Variants in LRRD1 observed in about 807,000 individuals in gnomAD.
The protein encoded by LRRD1 is leucine-rich repeat and death domain-containing protein 1.
In LRRD1, 49 loss-of-function variants were observed where a neutral mutation model predicts 69.5. The ratio of observed to expected loss-of-function variants is 0.70; its 90% confidence interval spans 0.56 to 0.89. LRRD1 has a LOEUF of 0.89. Ranked by LOEUF, LRRD1 falls within the 40% of genes least tolerant of loss-of-function variation. The probability of loss-of-function intolerance (pLI) is 0.00; values close to 1 mark genes in which losing one functional copy is unlikely to be tolerated. For missense variants in LRRD1, 853 were observed against 956.0 expected, an observed-to-expected ratio of 0.89 and a Z score of 1.42; for synonymous variants, 303 against 338.9, an observed-to-expected ratio of 0.89 and a Z score of 1.16.
downstream of LRRD1, chr7:92,142,266 A>G (rs1042596476): frequency 2.8e-6 from 1 of 353,414 alleles, no homozygotes; most frequent in African/African-American, 2.1e-5. Context: ...AACCACTTGT[A>G]TTAGGTCTCT....
chr7:92,144,635 A>AGGAATTATTTTCAAATTCCTC (rs1449535548), downstream of LRRD1, among the ~76,000 whole-genome samples: 1 of 151,540 alleles, frequency 6.6e-6, no homozygotes, highest in East Asian at 1.9e-4. Context: ...TCTCAAAAAA[A>AGGAATTATTTTCAAATTCCTC]AAAAAAAAAA....
In LRRD1 at chr7:92,164,224, T is replaced by C. The variant is rs575186553; in HGVS notation, c.979A>G (p.Asn327Asp). 11 of 1,549,678 alleles carry C rather than the reference T, an allele frequency of 7.1e-6. No individual in the cohort carries two copies. The Admixed American group carries it at 2.2e-4, about 31-fold the overall frequency. ...SLPKEIRELKNLETLLMDHNK... is the reference protein window; with the variant it reads ...SLPKEIRELKDLETLLMDHNK... ...TGATCCATTAAAAGTGTTTCTAAAT[T>C]TTTAAGCTCTCTAATTTCTTTTGGC... The change falls in exon 2 of 6, where the codon AAT becomes GAT. Residue 327 changes from asparagine (N) to aspartate (D), a missense_variant. Physicochemically the swap from Asn to Asp is conservative, Grantham distance 23 (BLOSUM62 1). Around this residue, in one of 3 missense-constraint regions of LRRD1, gnomAD observed 739 missense variants for 808.0 expected, o/e 0.91. Transcript: ENST00000458448.
intron 4 of LRRD1, among the ~76,000 whole-genome samples, chr7:92,148,138 G>A (rs1191395476): frequency 6.6e-6 from 1 of 151,974 alleles, no homozygotes; most frequent in Admixed American, 6.6e-5. Flanking sequence ...ATGGGTTTTT[G>A]GCATGTTGGC....
intron 3 of LRRD1, among the ~76,000 whole-genome samples, chr7:92,153,667 T>C (rs1436707597): frequency 4.0e-5 from 6 of 150,770 alleles, no homozygotes; most frequent in Non-Finnish European, 8.9e-5. Flanking sequence ...CCATCTCTAC[T>C]AAAAGTATAC....
At chr7:92,160,535 T>C (rs1788773623) in intron 2 of LRRD1, among the ~76,000 whole-genome samples, 1 of 152,232 alleles carries the variant, frequency 6.6e-6, no homozygotes, top group African/African-American at 2.4e-5. Flanking sequence ...TAAGAATGAA[T>C]AGGCGGCTGG....
downstream of LRRD1, among the ~76,000 whole-genome samples, chr7:92,143,212 TAC>T (rs1820212435): frequency 6.6e-6 from 1 of 152,082 alleles, no homozygotes; most frequent in African/African-American, 2.4e-5. Flanking sequence ...TTGAGCTAGA[TAC>T]AGAGTGCCGA....
At chr7:92,159,333 A>T (rs1788748480) in intron 2 of LRRD1, 130 bp from the exon 3 acceptor site, 1 of 637,222 alleles carries the variant, frequency 1.6e-6, no homozygotes, top group African/African-American at 1.9e-5. Context: ...ATTTTTTATT[A>T]TGTCACAAAT....
downstream of LRRD1, among the ~76,000 whole-genome samples, chr7:92,144,425 G>A (rs1055200465): frequency 6.6e-6 from 1 of 152,004 alleles, no homozygotes; most frequent in African/African-American, 2.4e-5. Flanking sequence ...TCAGGAGATG[G>A]AGACCATCCT....
chr7:92,168,739 C>A (rs1788983667), intron 1 of LRRD1, among the ~76,000 whole-genome samples: 1 of 150,262 alleles, frequency 6.7e-6, no homozygotes, highest in African/African-American at 2.4e-5. Context: ...GAAACCCAAA[C>A]AAGCCAGACG....
At chr7:92,143,081 C>A (rs1188711306), downstream of LRRD1, 1 of 180,568 alleles carries the variant, frequency 5.5e-6, no homozygotes, top group Non-Finnish European at 1.2e-5. Context: ...GCTTTACAAT[C>A]CCTGAGCCAG....
At chr7:92,149,699 T>TTTTATTTATTTA (rs200080358) in intron 4 of LRRD1, among the ~76,000 whole-genome samples, 139 of 151,726 alleles carry the variant, frequency 9.2e-4, no homozygotes, top group African/African-American at 3.3e-3. Context: ...GCCGAATGTA[T>TTTTATTTATTTA]TTTATTTATT....
At chr7:92,174,717 G>A (rs866964664) in intron 1 of LRRD1, among the ~76,000 whole-genome samples, 20 of 148,322 alleles carry the variant, frequency 1.3e-4, no homozygotes, top group African/African-American at 4.2e-4. Context: ...CATGACGTCC[G>A]GTCCTAAAAA....
Position 92,167,511 on chromosome 7 carries a change from C to A in LRRD1, c.-74-2235G>T, listed in dbSNP as rs191368225. Among the ~76,000 whole-genome samples the A allele has an allele frequency of 1.1e-3, 161 of 152,110 alleles. 1 individual carries two copies. The highest frequency in any genetic ancestry group is 3.6e-3 in the African/African-American group (151 of 41,510). Reference sequence around the variant, plus strand: ...CTTTTCTGTAAGTCTAAAATTATTTCAAAATAGAAAAATTTTTAAAGTAAT... The same window carrying A: ...CTTTTCTGTAAGTCTAAAATTATTTAAAAATAGAAAAATTTTTAAAGTAAT... On this transcript the variant is annotated intron_variant, in intron 1 of 5. Coordinates refer to ENST00000458448, the MANE Select transcript of LRRD1 (RefSeq NM_001161528.2).
chr7:92,151,083 C>T (rs1427231890), intron 3 of LRRD1, among the ~76,000 whole-genome samples: 2 of 152,212 alleles, frequency 1.3e-5, no homozygotes, highest in Admixed American at 6.5e-5. Flanking sequence ...AATGTTATCA[C>T]ATTATCATAT....
intron 4 of LRRD1, among the ~76,000 whole-genome samples, chr7:92,148,497 C>T (rs901611094): frequency 4.6e-5 from 7 of 151,840 alleles, no homozygotes; most frequent in Non-Finnish European, 1.0e-4. Context: ...ATATAAAATT[C>T]CAATCTTCTA....
rs996501475 is a variant in LRRD1 at position 92,164,093 on chromosome 7, A to G, written c.1110T>C (p.Asn370=). 1.5e-5 allele frequency: 24 copies of G among 1,548,524 alleles called. No homozygotes were observed. Among genetic ancestry groups the G allele is most frequent in the Non-Finnish European group, 2.0e-5 (23 of 1,145,742 alleles). ...GTATAAGAATCCTAAGTTCCCTGAA[A>G]TTCTCAATTTTGTGTGAAATAACTT... ...KLEVISHKIE[N]FRELRILILD... is the part of the protein sequence containing the mutation. The change falls in exon 2 of 6, where the codon AAT becomes AAC. Residue 370 remains asparagine (N), a synonymous_variant. Coordinates refer to ENST00000458448, the MANE Select transcript of LRRD1 (RefSeq NM_001161528.2).
At chr7:92,174,722 TA>T (rs887474278) in intron 1 of LRRD1, among the ~76,000 whole-genome samples, 7 of 150,204 alleles carry the variant, frequency 4.7e-5, no homozygotes, top group African/African-American at 9.8e-5. Flanking sequence ...CGTCCGGTCC[TA>T]AAAAAATATT....
At position 92,165,129 on chromosome 7, in the gene LRRD1, T is replaced by G; in HGVS notation, c.74A>C (p.Gln25Pro). 6.4e-7 allele frequency: 1 copy of G among 1,551,036 alleles called. No homozygotes were observed. The highest frequency in any genetic ancestry group is 1.2e-5 in the South Asian group (1 of 84,022). Residue 25 changes from glutamine (Q) to proline (P), a missense_variant, in exon 2 of 6, where the codon CAG (glutamine) becomes CCG (proline). Gln to Pro is a moderately conservative substitution (Grantham distance 76). Transcript: ENST00000458448. ...ISQFRKESRS[Q>P]SMKEPGFIKE... is the part of the protein sequence containing the mutation. The stretch of plus-strand genomic sequence containing the variant: ...AATAAAGCCAGGCTCCTTCATTGAC[T>G]GTGATCTAGATTCTTTCCTAAATTG...
In LRRD1 at chr7:92,163,755, A is replaced by T; in HGVS notation, c.1448T>A (p.Leu483Gln). The T allele has an allele frequency of 3.3e-6, 5 of 1,511,930 alleles. No homozygotes were observed. Among genetic ancestry groups the T allele is most frequent in the Non-Finnish European group, 4.4e-6 (5 of 1,133,654 alleles). The allele number at this position is 1,511,930 out of a possible 1,614,324, so 93.7% of individuals were successfully genotyped here. Residue 483 changes from leucine (L) to glutamine (Q), a missense_variant, in exon 2 of 6, where the codon CTG becomes CAG. Around this residue, in one of 3 missense-constraint regions of LRRD1, gnomAD observed 739 missense variants for 808.0 expected, o/e 0.91. Coordinates refer to ENST00000458448, the MANE Select transcript of LRRD1 (RefSeq NM_001161528.2). ...ATAATAAAGAGAATCTAAAGCACAC[A>T]GTCCCAATGGAAAATACATTATTTT... ...YNKIMYFPLGLCALDSLYYLS... is the reference protein window; with the variant it reads ...YNKIMYFPLGQCALDSLYYLS...
Sources: allele counts gnomAD v4.1 joint callset (sites outside exome capture counted in the v4.1 genomes callset), GRCh38; gene constraint gnomAD v4.1.1; regional missense constraint gnomAD v4.1.1; transcripts MANE v1.5; gene names NCBI Gene and HGNC (gene_info 2026-07-23, HGNC 2026-07-21).